The following PLCB1 variants were observed in gnomAD, a reference collection of about 807,000 sequenced individuals.
PLCB1 encodes phospholipase C beta 1.
In PLCB1, 46 loss-of-function variants were observed where a neutral mutation model predicts 161.8. That is an observed-to-expected ratio of 0.28 (90% CI 0.22 to 0.36). PLCB1 has a LOEUF of 0.36. Among genes scored for constraint, PLCB1 ranks in the 10% least tolerant of loss-of-function variants. The pLI, the probability that PLCB1 is intolerant of heterozygous loss-of-function variation, is 1.00. For missense variants in PLCB1, 1,016 were observed against 1,472.5 expected (o/e 0.69, Z 5.07); for synonymous variants, 517 against 503.7 (o/e 1.03, Z -0.35).
intron 2 of PLCB1, among the ~76,000 whole-genome samples, chr20:8,355,132 T>G (rs760033447): frequency 1.3e-5 from 2 of 152,158 alleles, no homozygotes; most frequent in Non-Finnish European, 2.9e-5. Flanking sequence ...TAAATGGGGA[T>G]AAAACAGGTT....
chr20:8,731,009 T>G (rs1980213252), intron 18 of PLCB1, among the ~76,000 whole-genome samples: 1 of 151,828 alleles, frequency 6.6e-6, no homozygotes, highest in South Asian at 2.1e-4. Flanking sequence ...ATATCTCATT[T>G]CTCCACCTGC....
In PLCB1 at chr20:8,884,390, G is replaced by C. The variant is rs1010992589; in HGVS notation, c.*2541G>C. On this transcript the variant is annotated 3_prime_UTR_variant, in exon 32 of 32. Coordinates refer to ENST00000338037, the MANE Select transcript of PLCB1 (RefSeq NM_015192.4). ...GTGGTTTTTCCTATAATAGAAAGTA[G>C]AGCTGTGTATTAAATTAGACTGTGT... The C allele has an allele frequency of 6.6e-6, 1 of 152,566 alleles. No homozygotes were observed. Among genetic ancestry groups the C allele is most frequent in the Non-Finnish European group, 1.5e-5 (1 of 68,034 alleles). 9.5% of individuals were successfully genotyped at this position (152,566 alleles called of 1,614,324 possible).
At chr20:8,180,046 G>A (rs1199754829) in intron 2 of PLCB1, among the ~76,000 whole-genome samples, 1 of 151,586 alleles carries the variant, frequency 6.6e-6, no homozygotes, top group Non-Finnish European at 1.5e-5. Context: ...TTTTAGTGGA[G>A]ATGGGGTTTC....
At chr20:8,689,468 T>C (rs1990426494) in intron 10 of PLCB1, among the ~76,000 whole-genome samples, 1 of 152,142 alleles carries the variant, frequency 6.6e-6, no homozygotes. Flanking sequence ...CAGTATTAAG[T>C]TGGCTGTGGG....
intron 2 of PLCB1, among the ~76,000 whole-genome samples, chr20:8,234,099 C>T (rs978544907): frequency 6.6e-6 from 1 of 152,028 alleles, no homozygotes; most frequent in African/African-American, 2.4e-5. Context: ...TAGAGTGAAA[C>T]TGCTGAGTTA....
chr20:8,542,302 T>C (rs966968989), intron 3 of PLCB1, among the ~76,000 whole-genome samples: 1 of 152,122 alleles, frequency 6.6e-6, no homozygotes, highest in Non-Finnish European at 1.5e-5. Flanking sequence ...TGAACACTAA[T>C]AAAGGAAACA....
At chr20:8,210,993 G>T (rs977370618) in intron 2 of PLCB1, among the ~76,000 whole-genome samples, 8 of 152,030 alleles carry the variant, frequency 5.3e-5, no homozygotes, top group Non-Finnish European at 1.0e-4. Context: ...TCAATAGCAG[G>T]GATAAAGAGG....
chr20:8,272,541 CTAT>C (rs2123266137), intron 2 of PLCB1, among the ~76,000 whole-genome samples: 1 of 152,184 alleles, frequency 6.6e-6, no homozygotes, highest in South Asian at 2.1e-4. Flanking sequence ...CAGTGCTGTG[CTAT>C]TAAAGTTGAA....
chr20:8,602,215 G>GTT, intron 3 of PLCB1, among the ~76,000 whole-genome samples: 1 of 149,252 alleles, frequency 6.7e-6, no homozygotes, highest in East Asian at 2.0e-4. Context: ...CCAACACCAA[G>GTT]TTTTTTTTTT....
intron 1 of PLCB1, among the ~76,000 whole-genome samples, chr20:8,144,566 G>A (rs552650789): frequency 6.6e-6 from 1 of 152,258 alleles, no homozygotes; most frequent in Non-Finnish European, 1.5e-5. Flanking sequence ...TCTCATCAAT[G>A]CTGATACACG....
intron 9 of PLCB1, among the ~76,000 whole-genome samples, chr20:8,662,032 T>TATTATTTATTATA (rs1989652468): frequency 1.5e-5 from 1 of 66,294 alleles, no homozygotes; most frequent in African/African-American, 6.7e-5. Flanking sequence ...ATACAATTAT[T>TATTATTTATTATA]TATTATATAA....
At position 8,180,961 on chromosome 20, in the gene PLCB1, GTGTGTGTGTA is replaced by G. The variant is rs773192831; in HGVS notation, c.177+30594_177+30603del. Among the ~76,000 whole-genome samples the G allele has an allele frequency of 3.6e-4, 51 of 140,450 alleles. 1 individual carries two copies. Among genetic ancestry groups the G allele is most frequent in the African/African-American group, 1.4e-3 (50 of 36,122 alleles). The allele number at this position is 140,450 out of a possible 152,430, so 92.1% of individuals were successfully genotyped here. On this transcript the variant is annotated intron_variant, in intron 2 of 31. Coordinates refer to ENST00000338037, the MANE Select transcript of PLCB1 (RefSeq NM_015192.4). ...AAAGTGTGTGTGTGTGTGTGTGTGT[GTGTGTGTGTA>G]TGTATGTGTGCGTGTGTGTGTAAAG...
At chr20:8,137,330 T>G (rs1484954858) in intron 1 of PLCB1, among the ~76,000 whole-genome samples, 1 of 152,154 alleles carries the variant, frequency 6.6e-6, no homozygotes, top group Admixed American at 6.5e-5. Flanking sequence ...TTTAGTAGCG[T>G]TCACTTTGGA....
At chr20:8,459,146 C>T (rs531545378) in intron 3 of PLCB1, among the ~76,000 whole-genome samples, 2 of 152,020 alleles carry the variant, frequency 1.3e-5, no homozygotes, top group African/African-American at 2.4e-5. Flanking sequence ...TAACATGAAC[C>T]GAGAAACACT....
intron 2 of PLCB1, among the ~76,000 whole-genome samples, chr20:8,243,400 A>C (rs572443958): frequency 6.6e-6 from 1 of 152,004 alleles, no homozygotes; most frequent in Non-Finnish European, 1.5e-5. Flanking sequence ...TAATGCAGGC[A>C]ACATAGGTCT....
intron 2 of PLCB1, among the ~76,000 whole-genome samples, chr20:8,251,258 A>T (rs1299853602): frequency 6.6e-6 from 1 of 151,950 alleles, no homozygotes; most frequent in Non-Finnish European, 1.5e-5. Flanking sequence ...TCACAGTGGG[A>T]GTTAAGTTTC....
At chr20:8,563,140 A>G (rs1049916798) in intron 3 of PLCB1, among the ~76,000 whole-genome samples, 3 of 152,064 alleles carry the variant, frequency 2.0e-5, no homozygotes, top group Admixed American at 6.6e-5. Flanking sequence ...AAAATTCTCA[A>G]TTGGAGTAGT....
At chr20:8,629,884 TCTTTC>T (rs1446661963) in intron 4 of PLCB1, among the ~76,000 whole-genome samples, 4 of 124,470 alleles carry the variant, frequency 3.2e-5, no homozygotes, top group African/African-American at 6.1e-5. Context: ...TTTCTCTCTC[TCTTTC>T]TTTTCTTTCT....
intron 3 of PLCB1, among the ~76,000 whole-genome samples, chr20:8,558,878 A>G (rs1986049881): frequency 6.6e-6 from 1 of 151,936 alleles, no homozygotes; most frequent in African/African-American, 2.4e-5. Flanking sequence ...AAAAAGTAAA[A>G]TATTTCCAGA....
Sources: gnomAD v4.1 joint callset for allele counts (sites outside exome capture counted in the v4.1 genomes callset) on GRCh38, gnomAD v4.1.1 for gene constraint, MANE v1.5 for transcripts, NCBI Gene and HGNC (gene_info 2026-07-23, HGNC 2026-07-21) for gene names.